Variants in PPFIA4 observed in about 807,000 individuals in gnomAD.
The protein encoded by PPFIA4 is liprin-alpha-4.
A neutral mutation model predicts 145.7 loss-of-function variants in PPFIA4; 98 were observed. The observed-to-expected ratio is 0.67, with a 90% confidence interval of 0.57 to 0.80. PPFIA4 has a LOEUF of 0.80. Among genes scored for constraint, PPFIA4 ranks in the 30% least tolerant of loss-of-function variants. The pLI, the probability that PPFIA4 is intolerant of heterozygous loss-of-function variation, is 0.00. For synonymous variants in PPFIA4, 628 were observed against 649.6 expected (o/e 0.97, Z 0.51); for missense variants, 1,457 against 1,632.7 (o/e 0.89, Z 1.85).
At chr1:203,056,183 T>C in intron 17 of PPFIA4, 28 bp downstream of exon 17, 1 of 1,613,780 alleles carries the variant, frequency 6.2e-7, no homozygotes, top group Non-Finnish European at 8.5e-7. Flanking sequence ...GCCCAGGTAC[T>C]AACGGGTTCA....
rs1444188272 is a variant in PPFIA4 at position 203,043,576 on chromosome 1, C to T, written c.336+78C>T. ...TGGGGGTGTGTTGTGAACACCTTGA[C>T]CAAGAGAGCAGGCAAGAGTGGGGCC... On this transcript the variant is annotated intron_variant, in intron 3 of 29. Coordinates refer to ENST00000295706, the MANE Select transcript of PPFIA4 (RefSeq NM_001304331.2). This position sits in a 1 kb window ranked among gnomAD's most constrained non-coding sequence, Gnocchi z 4.4. The T allele has an allele frequency of 4.3e-5, 58 of 1,351,196 alleles. No individual in the cohort carries two copies. Among genetic ancestry groups the T allele is most frequent in the Non-Finnish European group, 5.8e-5 (56 of 967,986 alleles). 83.7% of individuals were successfully genotyped at this position (1,351,196 alleles called of 1,614,324 possible). A position where few individuals can be genotyped will look rare whatever the true frequency, so the allele number is the denominator to read the frequency against.
chr1:203,036,154 C>T (rs936810077), intron 1 of PPFIA4, among the ~76,000 whole-genome samples: 1 of 152,192 alleles, frequency 6.6e-6, no homozygotes. Context: ...CCACAGGTGG[C>T]CAACACTAAG....
At chr1:203,045,635 G>C (rs1294511906) in intron 7 of PPFIA4, 76 bp downstream of exon 7, 15 of 1,475,680 alleles carry the variant, frequency 1.0e-5, no homozygotes, top group Non-Finnish European at 1.3e-5. Context: ...AGGCTCTGGG[G>C]CGTGAGACTG....
chr1:203,061,712 CA>C, intron 24 of PPFIA4, 34 bp downstream of exon 24: 1 of 1,551,378 alleles, frequency 6.4e-7, no homozygotes, highest in Non-Finnish European at 8.7e-7. Context: ...AACCAGCTCC[CA>C]AAACTTCAGG....
chr1:203,054,695 C>T (rs1660782530), intron 15 of PPFIA4, among the ~76,000 whole-genome samples: 1 of 151,982 alleles, frequency 6.6e-6, no homozygotes, highest in South Asian at 2.1e-4. Flanking sequence ...CACACACACA[C>T]ACACACATAC....
At chr1:203,040,496 G>A (rs1396028964) in intron 2 of PPFIA4, among the ~76,000 whole-genome samples, 1 of 152,188 alleles carries the variant, frequency 6.6e-6, no homozygotes, top group Non-Finnish European at 1.5e-5. Context: ...TGGGTGGGCA[G>A]GTGGGGACCT....
Position 203,053,947 on chromosome 1 carries a change from C to T in PPFIA4, c.1815C>T (p.Ile605=), listed in dbSNP as rs773533271. 11 of 1,564,400 alleles carry T rather than the reference C, an allele frequency of 7.0e-6. No homozygotes were observed. Among genetic ancestry groups the T allele is most frequent in the Non-Finnish European group, 7.8e-6 (9 of 1,154,380 alleles). The change falls in exon 15 of 30, where the codon ATC becomes ATT. Residue 605 remains isoleucine (I), a synonymous_variant. Coordinates refer to ENST00000295706, the MANE Select transcript of PPFIA4 (RefSeq NM_001304331.2). The part of the protein sequence containing the change: ...AMMLQEQLDA[I]NEEIRMIQEE... Reference sequence around the variant, plus strand: ...TGCTGCAGGAGCAGCTGGATGCCATCAATGAGGAAATCAGGTTAGGGCAGG... The same window carrying T: ...TGCTGCAGGAGCAGCTGGATGCCATTAATGAGGAAATCAGGTTAGGGCAGG...
intron 19 of PPFIA4, among the ~76,000 whole-genome samples, chr1:203,058,091 G>A (rs1250177144): frequency 1.3e-5 from 2 of 152,148 alleles, no homozygotes; most frequent in African/African-American, 2.4e-5. Flanking sequence ...GATGAATTTC[G>A]TGCAGGGGAG....
At position 203,056,829 on chromosome 1, in the gene PPFIA4, C is replaced by T. The variant is rs1660999770; in HGVS notation, c.2286C>T (p.Ser762=). 6.2e-7 allele frequency: 1 copy of T among 1,613,796 alleles called. No individual in the cohort carries two copies. Among genetic ancestry groups the T allele is most frequent in the Non-Finnish European group, 8.5e-7 (1 of 1,179,848 alleles). Residue 762 remains serine (S), a synonymous_variant, in exon 19 of 30, where the codon AGC becomes AGT. Transcript: ENST00000295706. ...QGSNPSSSNS[S]QDSLHKGAKR... ...GCAACCCCAGCAGCAGCAACAGCAG[C>T]CAGGACTCCCTGCACAAGGGCGCCA...
intron 19 of PPFIA4, among the ~76,000 whole-genome samples, chr1:203,057,584 T>C (rs1661063364): frequency 6.6e-6 from 1 of 152,258 alleles, no homozygotes; most frequent in African/African-American, 2.4e-5. Context: ...CCACCTTTTC[T>C]TTCTGTCATC....
chr1:203,070,962 T>A (rs1159954384), intron 27 of PPFIA4, among the ~76,000 whole-genome samples: 1 of 151,810 alleles, frequency 6.6e-6, no homozygotes, highest in Non-Finnish European at 1.5e-5. Context: ...TTTGTTTTTT[T>A]TTTTTCTTAG....
intron 14 of PPFIA4, among the ~76,000 whole-genome samples, chr1:203,052,166 A>G (rs1385538069): frequency 1.3e-5 from 2 of 149,440 alleles, no homozygotes; most frequent in East Asian, 4.1e-4. Flanking sequence ...AGGCGTGTGT[A>G]TCTGGTGGTC....
chr1:203,061,024 A>G lies in PPFIA4; in HGVS notation c.2839A>G (p.Thr947Ala). ...HEEMETLETS[T>A]KTDSEEGSWA... is the part of the protein sequence containing the mutation. ...AGAGATGGAAACTCTGGAAACATCT[A>G]CTAAAACAGTGAGTCTGGCCCTTGG... Residue 947 changes from threonine (T) to alanine (A), a missense_variant, in exon 23 of 30, where the codon ACT (threonine) becomes GCT (alanine). Around this residue, in one of 3 missense-constraint regions of PPFIA4, gnomAD observed 848 missense variants for 1,046.7 expected, o/e 0.81. Transcript: ENST00000295706. 6.2e-7 allele frequency: 1 copy of G among 1,613,960 alleles called. No homozygotes were observed. Among genetic ancestry groups the G allele is most frequent in the Non-Finnish European group, 8.5e-7 (1 of 1,179,840 alleles).
chr1:203,030,470 T>C (rs1194989760), intron 1 of PPFIA4, among the ~76,000 whole-genome samples: 1 of 152,184 alleles, frequency 6.6e-6, no homozygotes, highest in Non-Finnish European at 1.5e-5. Flanking sequence ...CTCATGGACA[T>C]GGAGGCCTGG....
intron 19 of PPFIA4, 36 bp from the exon 20 acceptor site, chr1:203,059,142 A>G (rs371053176): frequency 2.1e-6 from 3 of 1,444,762 alleles, no homozygotes; most frequent in Admixed American, 2.0e-5. Flanking sequence ...GGAGAGGCAG[A>G]GGGGCTGGCT....
intron 17 of PPFIA4, 23 bp downstream of exon 17, chr1:203,056,178 G>C: frequency 2.5e-6 from 4 of 1,613,850 alleles, no homozygotes; most frequent in Non-Finnish European, 3.4e-6. Context: ...TGATGGCCCA[G>C]GTACTAACGG....
chr1:203,058,090 C>T (rs752512730), intron 19 of PPFIA4, among the ~76,000 whole-genome samples: 4 of 152,076 alleles, frequency 2.6e-5, no homozygotes, highest in African/African-American at 7.2e-5. Flanking sequence ...TGATGAATTT[C>T]GTGCAGGGGA....
intron 13 of PPFIA4, 44 bp from the exon 14 acceptor site, chr1:203,051,725 C>T (rs754072450): frequency 6.4e-7 from 1 of 1,569,492 alleles, no homozygotes; most frequent in Non-Finnish European, 8.6e-7. Context: ...CTGGGGGTCT[C>T]AGTCCTCAGG....
chr1:203,049,827 G>A, intron 13 of PPFIA4, 60 bp downstream of exon 13: 1 of 1,367,420 alleles, frequency 7.3e-7, no homozygotes, highest in South Asian at 1.6e-5. Context: ...CGTGAGGAAG[G>A]AGACTTCCTT....
Sources: gnomAD v4.1 joint callset for allele counts (sites outside exome capture counted in the v4.1 genomes callset) on GRCh38, gnomAD v4.1.1 for gene constraint, gnomAD v4.1.1 regional missense constraint, Gnocchi (gnomAD v3.1) non-coding constraint, MANE v1.5 for transcripts, NCBI Gene and HGNC (gene_info 2026-07-23, HGNC 2026-07-21) for gene names.